Variants in PTPRD observed in about 807,000 individuals in gnomAD.
PTPRD encodes the protein protein tyrosine phosphatase receptor type D, also known as receptor-type tyrosine-protein phosphatase delta.
A neutral mutation model predicts 214.5 loss-of-function variants in PTPRD; 34 were observed. The ratio of observed to expected loss-of-function variants is 0.16; its 90% CI spans 0.12 to 0.21. The LOEUF is 0.21. PTPRD is among the 10% of genes least tolerant of loss of function. PTPRD has a pLI of 1.00. For missense variants in PTPRD, 2,545 were observed against 2,398.7 expected (o/e 1.06, Z -1.27); for synonymous variants, 1,128 against 845.7 (o/e 1.33, Z -5.79).
chr9:8,949,552 G>A (rs1230741570), intron 11 of PTPRD, among the ~76,000 whole-genome samples: 2 of 152,096 alleles, frequency 1.3e-5, no homozygotes, highest in African/African-American at 4.8e-5. Context: ...TTGAAGTCAT[G>A]CATCAGATTA....
intron 11 of PTPRD, among the ~76,000 whole-genome samples, chr9:8,951,190 G>A (rs549563886): frequency 6.7e-6 from 1 of 148,794 alleles, no homozygotes; most frequent in East Asian, 2.0e-4. Context: ...AGGAGAAACA[G>A]AAAGCAATTA....
At chr9:8,930,975 A>T (rs965950954) in intron 11 of PTPRD, among the ~76,000 whole-genome samples, 2 of 152,026 alleles carry the variant, frequency 1.3e-5, no homozygotes, top group Non-Finnish European at 2.9e-5. Flanking sequence ...ATGAGATCCC[A>T]TTTGTCAATT....
At chr9:8,383,645 T>A (rs2085924002) in intron 37 of PTPRD, among the ~76,000 whole-genome samples, 1 of 152,194 alleles carries the variant, frequency 6.6e-6, no homozygotes, top group Non-Finnish European at 1.5e-5. Context: ...TCTAGCCCTA[T>A]ATTTTCACTA....
At chr9:10,188,287 T>C (rs1236850742) in intron 3 of PTPRD, among the ~76,000 whole-genome samples, 1 of 152,136 alleles carries the variant, frequency 6.6e-6, no homozygotes, top group Non-Finnish European at 1.5e-5. Flanking sequence ...GTATAACTCA[T>C]GAAAGCATGG....
intron 10 of PTPRD, among the ~76,000 whole-genome samples, chr9:9,028,920 C>T (rs1463783419): frequency 6.8e-6 from 1 of 147,904 alleles, no homozygotes; most frequent in Non-Finnish European, 1.5e-5. Flanking sequence ...GAAGCATAAG[C>T]AAGGAATGAA....
At chr9:8,608,824 C>T (rs544845145) in intron 14 of PTPRD, among the ~76,000 whole-genome samples, 76 of 152,270 alleles carry the variant, frequency 5.0e-4, no homozygotes, top group African/African-American at 1.7e-3. Flanking sequence ...CTTCAGGGAT[C>T]TTCATGAATC....
At chr9:9,885,044 G>T (rs556536126) in intron 5 of PTPRD, among the ~76,000 whole-genome samples, 67 of 152,128 alleles carry the variant, frequency 4.4e-4, no homozygotes, top group African/African-American at 1.6e-3. Flanking sequence ...ATTTATAGTG[G>T]CAGAAAGGCT....
At chr9:8,473,602 G>C (rs1013228533) in intron 30 of PTPRD, among the ~76,000 whole-genome samples, 1 of 152,016 alleles carries the variant, frequency 6.6e-6, no homozygotes, top group Non-Finnish European at 1.5e-5. Context: ...TCCTCCTTCA[G>C]AATCTTGTAA....
intron 3 of PTPRD, among the ~76,000 whole-genome samples, chr9:10,216,346 C>T (rs1175453328): frequency 2.0e-5 from 3 of 151,828 alleles, no homozygotes; most frequent in Non-Finnish European, 4.4e-5. Flanking sequence ...TATTCTATTT[C>T]TTAATCTAGG....
At chr9:9,954,201 G>C (rs1016598422) in intron 4 of PTPRD, among the ~76,000 whole-genome samples, 2 of 146,106 alleles carry the variant, frequency 1.4e-5, no homozygotes, top group Non-Finnish European at 3.0e-5. Context: ...GAGGCTGAGG[G>C]ATGAGAATCG....
At chr9:8,374,889 C>T (rs1249020209) in intron 39 of PTPRD, among the ~76,000 whole-genome samples, 4 of 151,700 alleles carry the variant, frequency 2.6e-5, no homozygotes, top group Admixed American at 6.6e-5. Context: ...CTGATCAGCC[C>T]GTTGACCCCA....
intron 4 of PTPRD, among the ~76,000 whole-genome samples, chr9:10,025,220 T>C (rs1031212285): frequency 3.9e-5 from 6 of 152,190 alleles, no homozygotes; most frequent in African/African-American, 1.4e-4. Flanking sequence ...ACTTCCACAA[T>C]GGTTGAACTA....
chr9:9,659,974 T>C (rs946224548), intron 7 of PTPRD, among the ~76,000 whole-genome samples: 1 of 152,110 alleles, frequency 6.6e-6, no homozygotes, highest in Non-Finnish European at 1.5e-5. Flanking sequence ...TCTTCTGGGC[T>C]GTAAATGAAT....
intron 9 of PTPRD, among the ~76,000 whole-genome samples, chr9:9,334,417 T>A (rs1429333840): frequency 6.6e-6 from 1 of 152,054 alleles, no homozygotes; most frequent in East Asian, 1.9e-4. Context: ...TGAAATAGTC[T>A]GTTAATCACC....
chr9:10,361,183 T>C (rs2097381905), intron 2 of PTPRD, among the ~76,000 whole-genome samples: 1 of 152,158 alleles, frequency 6.6e-6, no homozygotes, highest in Non-Finnish European at 1.5e-5. Flanking sequence ...AGATTGGCAT[T>C]GTTTGACATT....
intron 9 of PTPRD, among the ~76,000 whole-genome samples, chr9:9,296,106 T>C (rs528975177): frequency 6.6e-5 from 10 of 151,762 alleles, no homozygotes; most frequent in Non-Finnish European, 1.2e-4. Context: ...AAACTACCAA[T>C]CATGGCCAGT....
chr9:8,576,889 T>C (rs1332241417), intron 14 of PTPRD, among the ~76,000 whole-genome samples: 2 of 152,186 alleles, frequency 1.3e-5, no homozygotes, highest in East Asian at 1.9e-4. Context: ...ATGCTACCTT[T>C]TGAGTTACTG....
intron 2 of PTPRD, among the ~76,000 whole-genome samples, chr9:10,592,574 G>C (rs2075721776): frequency 6.6e-6 from 1 of 151,964 alleles, no homozygotes; most frequent in Non-Finnish European, 1.5e-5. Context: ...GGGGAAGCCA[G>C]CTGGACTTAC....
intron 9 of PTPRD, among the ~76,000 whole-genome samples, chr9:9,309,716 A>G (rs1425241824): frequency 6.6e-6 from 1 of 152,198 alleles, no homozygotes; most frequent in East Asian, 1.9e-4. Context: ...AAAGAATGGT[A>G]CAACGTTATT....
Sources: gnomAD v4.1 joint callset for allele counts (sites outside exome capture counted in the v4.1 genomes callset) on GRCh38, gnomAD v4.1.1 for gene constraint, MANE v1.5 for transcripts, NCBI Gene and HGNC (gene_info 2026-07-23, HGNC 2026-07-21) for gene names.